The following TJP1 variants were observed in gnomAD, a reference collection of about 807,000 sequenced individuals.
TJP1 encodes the protein tight junction protein 1, also known as tight junction protein ZO-1.
In TJP1, 43 loss-of-function variants were observed where a neutral mutation model predicts 194.2. That is an observed-to-expected ratio of 0.22 (90% CI 0.17 to 0.29). TJP1 has a LOEUF of 0.29. TJP1 is among the 10% of genes least tolerant of loss of function. The pLI, the probability that TJP1 is intolerant of heterozygous loss-of-function variation, is 1.00. For missense variants in TJP1, 1,971 were observed against 2,185.7 expected (o/e 0.90, Z 1.96); for synonymous variants, 801 against 779.0 (o/e 1.03, Z -0.47).
chr15:29,803,735 T>C (rs2048934862), intron 1 of TJP1, among the ~76,000 whole-genome samples: 1 of 152,108 alleles, frequency 6.6e-6, no homozygotes, highest in Non-Finnish European at 1.5e-5. Flanking sequence ...AGGAGTGCAA[T>C]AAGAGAAACT....
chr15:29,961,229 C>T (rs577498490), intron 1 of TJP1, among the ~76,000 whole-genome samples: 1 of 152,214 alleles, frequency 6.6e-6, no homozygotes, highest in Admixed American at 6.5e-5. Context: ...GGGATTATTC[C>T]CCGCATATTT....
intron 1 of TJP1, among the ~76,000 whole-genome samples, chr15:29,810,235 G>A (rs552072517): frequency 6.6e-6 from 1 of 152,300 alleles, no homozygotes; most frequent in South Asian, 2.1e-4. Flanking sequence ...AAGTATAGAT[G>A]AAATGAGACT....
intron 2 of TJP1, among the ~76,000 whole-genome samples, chr15:29,949,493 ACC>A: frequency 7.7e-6 from 1 of 130,170 alleles, no homozygotes; most frequent in African/African-American, 2.9e-5. Context: ...CACCACCTCC[ACC>A]TCCACAACCA....
intron 1 of TJP1, among the ~76,000 whole-genome samples, chr15:29,959,415 T>C (rs755109485): frequency 3.9e-5 from 6 of 152,192 alleles, no homozygotes; most frequent in Non-Finnish European, 7.3e-5. Context: ...TGTGTTTTAA[T>C]TTGGTAATTC....
chr15:29,882,994 T>G (rs1384017803), intron 2 of TJP1, among the ~76,000 whole-genome samples: 1 of 152,152 alleles, frequency 6.6e-6, no homozygotes, highest in East Asian at 1.9e-4. Flanking sequence ...AATACTTAAA[T>G]TCTTTTAAAA....
intron 2 of TJP1, among the ~76,000 whole-genome samples, chr15:29,796,339 A>G (rs1298033584): frequency 1.3e-5 from 2 of 151,072 alleles, no homozygotes; most frequent in Non-Finnish European, 3.0e-5. Flanking sequence ...CAAGGTTGCT[A>G]TAAAAAAAAA....
rs2042194701 is a variant in TJP1 at position 29,710,838 on chromosome 15, A to G, written c.4365T>C (p.His1455=). ...ASLHIHSKGA[H]GEGNSVSLDF... ...TACTTCCGAACTTCCTACCTTCACC[A>G]TGTGCTCCCTTAGAATGTATGTGGA... Residue 1455 remains histidine, a synonymous_variant, in exon 24 of 28, where the codon CAT becomes CAC. Coordinates refer to ENST00000614355, the MANE Select transcript of TJP1 (RefSeq NM_001330239.4). 1.2e-6 allele frequency: 2 copies of G among 1,613,882 alleles called. No individual in the cohort carries two copies. The highest frequency in any genetic ancestry group is 2.7e-5 in the African/African-American group (2 of 74,920).
rs745858575 is a variant in TJP1 at position 29,820,574 on chromosome 15, T to C, written c.27+1428A>G. 1.4e-5 allele frequency: 10 copies of C among 716,712 alleles called. No homozygotes were observed. In the African/African-American group the frequency reaches 1.4e-4, roughly 10 times the overall value. 44.4% of individuals were successfully genotyped at this position (716,712 alleles called of 1,614,324 possible). On this transcript the variant is annotated intron_variant, in intron 1 of 27. Transcript: ENST00000614355. ...AACGTATTTCTCTCCATACTTGAAA[T>C]AACCTCTTAAAAAGTGTGTTGTCTT...
intron 1 of TJP1, among the ~76,000 whole-genome samples, chr15:29,817,827 C>T (rs1462956085): frequency 6.6e-6 from 1 of 151,962 alleles, no homozygotes; most frequent in Non-Finnish European, 1.5e-5. Context: ...CACACCAGGA[C>T]CTGGGGCCTG....
At chr15:29,936,399 G>A (rs2054883507) in intron 2 of TJP1, among the ~76,000 whole-genome samples, 1 of 152,150 alleles carries the variant, frequency 6.6e-6, no homozygotes, top group African/African-American at 2.4e-5. Flanking sequence ...GCCTTCCCCG[G>A]TCCAGCCTGT....
chr15:29,815,631 ACAG>A (rs1393037327), intron 1 of TJP1, among the ~76,000 whole-genome samples: 1 of 152,238 alleles, frequency 6.6e-6, no homozygotes, highest in Non-Finnish European at 1.5e-5. Flanking sequence ...ACATGAATTT[ACAG>A]CTGGACTCAT....
At chr15:29,825,688 G>A (rs1331920399), upstream of TJP1, among the ~76,000 whole-genome samples, 3 of 152,188 alleles carry the variant, frequency 2.0e-5, no homozygotes, top group Non-Finnish European at 4.4e-5. Context: ...TGACAAAGAG[G>A]AAGTATTTAT....
chr15:29,724,031 G>T (rs1009765753), intron 18 of TJP1, among the ~76,000 whole-genome samples: 1 of 152,202 alleles, frequency 6.6e-6, no homozygotes, highest in Non-Finnish European at 1.5e-5. Context: ...TGAAACTCTT[G>T]TCCTCCAGAA....
At chr15:29,774,629 A>G (rs551503508) in intron 2 of TJP1, among the ~76,000 whole-genome samples, 28 of 152,012 alleles carry the variant, frequency 1.8e-4, no homozygotes, top group Non-Finnish European at 4.0e-4. Flanking sequence ...ATTCAATGGG[A>G]GGTGTTTTTT....
Position 29,709,944 on chromosome 15 carries a change from G to A in TJP1, c.4372+887C>T, listed in dbSNP as rs774096340. ...GCGGATCACCTGAGGTCAGGAGTTC[G>A]TGACCAGCCTGGCTAACATGATGAA... On this transcript the variant is annotated intron_variant, in intron 24 of 27. Coordinates refer to ENST00000614355, the MANE Select transcript of TJP1 (RefSeq NM_001330239.4). Among the ~76,000 whole-genome samples the A allele has an allele frequency of 2.6e-5, 4 of 152,050 alleles. No homozygotes were observed. In the East Asian group the frequency reaches 5.8e-4, roughly 22 times the overall value.
intron 8 of TJP1, among the ~76,000 whole-genome samples, chr15:29,757,495 T>A (rs2045718950): frequency 6.6e-6 from 1 of 152,222 alleles, no homozygotes; most frequent in Admixed American, 6.5e-5. Flanking sequence ...CATTTTACTC[T>A]TATAATGTAT....
intron 2 of TJP1, among the ~76,000 whole-genome samples, chr15:29,845,863 T>C (rs2051387967): frequency 6.6e-6 from 1 of 152,152 alleles, no homozygotes; most frequent in Non-Finnish European, 1.5e-5. Flanking sequence ...TTTTCACTAT[T>C]CTATTACAAG....
rs558475435 is a variant in TJP1 at position 29,948,270 on chromosome 15, A to C, written c.306+7962T>G. ...AGCAACACTCCATCACAAAAAAAAAAAAAAAAAGACAATCATTCAATCAAC... is the reference window on the plus strand; with the variant it reads ...AGCAACACTCCATCACAAAAAAAAACAAAAAAAGACAATCATTCAATCAAC... On this transcript the variant is annotated intron_variant, in intron 2 of 28. Coordinates refer to the TJP1 transcript ENST00000356107. 2.0e-3 allele frequency among the ~76,000 whole-genome samples: 301 copies of C among 152,224 alleles called. 1 individual carries two copies. Among genetic ancestry groups the C allele is most frequent in the African/African-American group, 6.8e-3 (282 of 41,548 alleles).
rs1179523087 is a variant in TJP1, at chr15:29,968,709, G to T, written c.131C>A (p.Pro44His). 5 of 1,199,342 alleles carry T rather than the reference G, an allele frequency of 4.2e-6. 1 individual carries two copies. The highest frequency in any genetic ancestry group is 2.8e-5 in the South Asian group (2 of 70,410). 74.3% of individuals were successfully genotyped at this position (1,199,342 alleles called of 1,614,324 possible). A position where few individuals can be genotyped will look rare whatever the true frequency, so the allele number is the denominator to read the frequency against. The change falls in exon 1 of 29, where the codon CCC becomes CAC. Residue 44 changes from proline (P) to histidine (H), a missense_variant. Physicochemically the swap from Pro to His is moderately conservative, Grantham distance 77. Transcript: ENST00000356107. ...CGGCAGGAGGCTGCCGCGGTTGGAGGGGGTGACGCCGATGGCCATCTGCAG... is the reference window on the plus strand; with the variant it reads ...CGGCAGGAGGCTGCCGCGGTTGGAGTGGGTGACGCCGATGGCCATCTGCAG...
Sources: gnomAD v4.1 joint callset for allele counts (sites outside exome capture counted in the v4.1 genomes callset) on GRCh38, gnomAD v4.1.1 for gene constraint, MANE v1.5 for transcripts, NCBI Gene and HGNC (gene_info 2026-07-23, HGNC 2026-07-21) for gene names.